The following SLC26A7 variants were observed in gnomAD, a reference collection of about 807,000 sequenced individuals.
The protein encoded by SLC26A7 is solute carrier family 26 member 7.
Under a neutral mutation model 82.5 loss-of-function variants are expected in SLC26A7, and 59 were observed. The ratio of observed to expected loss-of-function variants is 0.72; its 90% CI spans 0.58 to 0.89. The LOEUF is 0.89. Ranked by LOEUF, SLC26A7 falls within the 40% of genes least tolerant of loss-of-function variation. SLC26A7 has a pLI of 0.00. For missense variants in SLC26A7, 820 were observed against 793.0 expected, an observed-to-expected ratio of 1.03 and a Z score of -0.41; for synonymous variants, 271 against 274.3, an observed-to-expected ratio of 0.99 and a Z score of 0.12.
intron 2 of SLC26A7, among the ~76,000 whole-genome samples, chr8:91,256,270 A>G (rs1396643997): frequency 6.6e-6 from 1 of 152,132 alleles, no homozygotes; most frequent in Admixed American, 6.6e-5. Flanking sequence ...AATGTGAAAC[A>G]GGTGAGAGCA....
intron 2 of SLC26A7, among the ~76,000 whole-genome samples, chr8:91,251,241 T>C (rs1463293760): frequency 6.6e-6 from 1 of 152,048 alleles, no homozygotes; most frequent in Non-Finnish European, 1.5e-5. Context: ...TATGTATAAG[T>C]TTCAGTAGTT....
chr8:91,285,088 T>G (rs1045035607), intron 2 of SLC26A7, among the ~76,000 whole-genome samples: 1 of 152,272 alleles, frequency 6.6e-6, no homozygotes, highest in African/African-American at 2.4e-5. Context: ...AAGGCCATGA[T>G]GGGAGAATCT....
chr8:91,290,174 T>G (rs550127752), intron 3 of SLC26A7, among the ~76,000 whole-genome samples: 2 of 152,308 alleles, frequency 1.3e-5, no homozygotes, highest in African/African-American at 4.8e-5. Context: ...AAAATATCTA[T>G]AGAGACATTT....
chr8:91,271,030 C>T (rs536604268), intron 2 of SLC26A7, among the ~76,000 whole-genome samples: 1 of 152,254 alleles, frequency 6.6e-6, no homozygotes, highest in East Asian at 1.9e-4. Flanking sequence ...ATGACTGTTT[C>T]CCCAGTCCAC....
chr8:91,351,927 C>A lies in SLC26A7; in HGVS notation c.1218+40C>A, dbSNP rs200658431. ...TTTCACTATCTACTTTTTAATTTAA[C>A]TTTTCATGAGAATCATTGCATATAA... On this transcript the variant is annotated intron_variant, in intron 10 of 18. Coordinates refer to ENST00000276609, the MANE Select transcript of SLC26A7 (RefSeq NM_052832.4). 8 of 1,405,338 alleles carry A rather than the reference C, an allele frequency of 5.7e-6. No individual in the cohort carries two copies. In the Admixed American group the frequency reaches 8.6e-5, roughly 15 times the overall value. The allele number at this position is 1,405,338 out of a possible 1,614,324, so 87.1% of individuals were successfully genotyped here.
chr8:91,311,982 C>A (rs774354046), intron 4 of SLC26A7, among the ~76,000 whole-genome samples: 3 of 152,168 alleles, frequency 2.0e-5, no homozygotes, highest in Non-Finnish European at 2.9e-5. Context: ...ACTCAGTTTT[C>A]AGCTTATTTC....
chr8:91,278,234 A>T (rs1016655788), intron 2 of SLC26A7, among the ~76,000 whole-genome samples: 3 of 151,976 alleles, frequency 2.0e-5, no homozygotes, highest in African/African-American at 7.3e-5. Flanking sequence ...GCTCCAGAAA[A>T]AAAAAAGGAC....
intron 2 of SLC26A7, among the ~76,000 whole-genome samples, chr8:91,269,973 T>C (rs1317313920): frequency 2.0e-5 from 3 of 152,124 alleles, no homozygotes; most frequent in Admixed American, 6.6e-5. Flanking sequence ...CTCATTTTCT[T>C]CCTGGATTGT....
intron 4 of SLC26A7, among the ~76,000 whole-genome samples, chr8:91,315,727 G>A (rs1352274695): frequency 6.6e-6 from 1 of 152,108 alleles, no homozygotes. Context: ...ATTCTTTTAA[G>A]TTTTACAGAG....
At chr8:91,353,413 A>G (rs1351549960) in intron 11 of SLC26A7, among the ~76,000 whole-genome samples, 1 of 152,196 alleles carries the variant, frequency 6.6e-6, no homozygotes, top group Non-Finnish European at 1.5e-5. Flanking sequence ...TGAACCTCTT[A>G]ATGGTGACCA....
chr8:91,215,414 T>A (rs1810026030), intron 1 of SLC26A7, among the ~76,000 whole-genome samples: 1 of 152,158 alleles, frequency 6.6e-6, no homozygotes, highest in Non-Finnish European at 1.5e-5. Flanking sequence ...TGGTTACCAA[T>A]TATGTTGAAT....
At chr8:91,291,455 T>G (rs1369435852) in intron 3 of SLC26A7, among the ~76,000 whole-genome samples, 1 of 152,192 alleles carries the variant, frequency 6.6e-6, no homozygotes, top group African/African-American at 2.4e-5. Context: ...TCCTAACGAT[T>G]TCTTTTCATT....
chr8:91,313,874 G>T (rs112532680), intron 4 of SLC26A7, among the ~76,000 whole-genome samples: 9 of 152,068 alleles, frequency 5.9e-5, no homozygotes, highest in Non-Finnish European at 1.3e-4. Context: ...TATTCTATCC[G>T]CTTGGCTAAT....
chr8:91,360,545 C>G lies in SLC26A7; in HGVS notation c.1315-1808C>G, dbSNP rs189858735. Among the ~76,000 whole-genome samples, 235 of 152,008 alleles carry G rather than the reference C, an allele frequency of 1.5e-3. 1 individual carries two copies. The highest frequency in any genetic ancestry group is 5.5e-3 in the African/African-American group (229 of 41,442). On this transcript the variant is annotated intron_variant, in intron 11 of 18. Transcript: ENST00000276609. Reference sequence around the variant, plus strand: ...TTTTTTCAAAGCTATAAATGTAGCCCCAGGAAATAAGTAAGCATTTGGAAA... The same window carrying G: ...TTTTTTCAAAGCTATAAATGTAGCCGCAGGAAATAAGTAAGCATTTGGAAA...
chr8:91,230,461 G>A (rs1339891657), intron 2 of SLC26A7, among the ~76,000 whole-genome samples: 1 of 152,082 alleles, frequency 6.6e-6, no homozygotes, highest in African/African-American at 2.4e-5. Context: ...TCCCACCTGG[G>A]GACTTTCTCT....
At chr8:91,334,756 C>G (rs756094607) in intron 6 of SLC26A7, among the ~76,000 whole-genome samples, 14 of 152,108 alleles carry the variant, frequency 9.2e-5, no homozygotes, top group Non-Finnish European at 1.5e-5. Context: ...GGGTGAGGCT[C>G]AAAATGTCTC....
chr8:91,225,238 T>C (rs1329472011), intron 2 of SLC26A7, among the ~76,000 whole-genome samples: 1 of 152,136 alleles, frequency 6.6e-6, no homozygotes. Context: ...TTGAACAGAT[T>C]CCAGCTGAGA....
intron 2 of SLC26A7, among the ~76,000 whole-genome samples, chr8:91,265,277 CATTT>C (rs1229172649): frequency 6.6e-6 from 1 of 151,964 alleles, no homozygotes; most frequent in African/African-American, 2.4e-5. Context: ...TTTCTTTATT[CATTT>C]GTCTGTTGAT....
At chr8:91,234,285 T>G (rs1810354817) in intron 2 of SLC26A7, among the ~76,000 whole-genome samples, 1 of 152,218 alleles carries the variant, frequency 6.6e-6, no homozygotes, top group Non-Finnish European at 1.5e-5. Flanking sequence ...ATCACAAACT[T>G]TTTAATTCTT....
Sources: allele counts gnomAD v4.1 joint callset (sites outside exome capture counted in the v4.1 genomes callset), GRCh38; gene constraint gnomAD v4.1.1; transcripts MANE v1.5; gene names NCBI Gene and HGNC (gene_info 2026-07-23, HGNC 2026-07-21).